Variants in TMEM234 observed in about 807,000 individuals in gnomAD.
The protein encoded by TMEM234 is transmembrane protein 234.
Under a neutral mutation model 17.8 loss-of-function variants are expected in TMEM234, and 21 were observed. That is an observed-to-expected ratio of 1.18 (90% CI 0.84 to 1.70). The LOEUF (loss-of-function observed/expected upper bound fraction) is 1.70, where lower values mean the gene tolerates loss of function less well. TMEM234 is among the 40% of genes most tolerant of loss of function. The pLI, the probability that TMEM234 is intolerant of heterozygous loss-of-function variation, is 0.00. For synonymous variants in TMEM234, 83 were observed against 73.5 expected (o/e 1.13, Z -0.66); for missense variants, 137 against 166.9 (o/e 0.82, Z 0.99).
chr1:32,219,318 G>A (rs1638686248), intron 3 of TMEM234, among the ~76,000 whole-genome samples: 1 of 152,176 alleles, frequency 6.6e-6, no homozygotes. Flanking sequence ...GCCCCAGCAT[G>A]GAGGCATTAC....
intron 2 of TMEM234, 151 bp from the exon 3 acceptor site, chr1:32,221,348 CAA>C (rs1638890089): frequency 1.5e-6 from 1 of 656,682 alleles, no homozygotes; most frequent in African/African-American, 1.8e-5. Flanking sequence ...CCTTCCAGGG[CAA>C]AGAGGGAAAC....
rs1172669639 is a variant in TMEM234 at position 32,221,129 on chromosome 1, A to C, written c.235+2T>G. 1.9e-6 allele frequency: 3 copies of C among 1,612,898 alleles called. 1 individual carries two copies. The highest frequency in any genetic ancestry group is 2.2e-5 in the South Asian group (2 of 90,874). Reference sequence around the variant, plus strand: ...GCAGAACAGTTCCAAGCCAGGACCCACCTGTCGATGCCAAGGTGAGGTAAT... The same window carrying C: ...GCAGAACAGTTCCAAGCCAGGACCCCCCTGTCGATGCCAAGGTGAGGTAAT... On this transcript the variant is annotated splice_donor_variant, in intron 3 of 4. Coordinates refer to ENST00000309777, the MANE Select transcript of TMEM234 (RefSeq NM_019118.5). LOFTEE classifies it high-confidence loss of function.
Position 32,216,321 on chromosome 1 carries a change from T to A in TMEM234, c.*532A>T. On this transcript the variant is annotated 3_prime_UTR_variant, in exon 5 of 5. Coordinates refer to ENST00000309777, the MANE Select transcript of TMEM234 (RefSeq NM_019118.5). Reference sequence around the variant, plus strand: ...CTGGCAGTGAGGATTTCTGCCTACCTCATGGGTGGGGCAGGCAAGGCTAAT... The same window carrying A: ...CTGGCAGTGAGGATTTCTGCCTACCACATGGGTGGGGCAGGCAAGGCTAAT... The A allele has an allele frequency of 6.6e-7, 1 of 1,526,666 alleles. No homozygotes were observed. Among genetic ancestry groups the A allele is most frequent in the Non-Finnish European group, 8.8e-7 (1 of 1,133,750 alleles). The allele number at this position is 1,526,666 out of a possible 1,614,324, so 94.6% of individuals were successfully genotyped here.
downstream of TMEM234, chr1:32,215,361 G>A (rs770809156): frequency 2.5e-6 from 3 of 1,218,580 alleles, no homozygotes; most frequent in Non-Finnish European, 3.5e-6. Context: ...GAGGGAAAGG[G>A]GCTAGCATGA....
Position 32,216,874 on chromosome 1 carries a change from C to G in TMEM234, c.402G>C (p.Gln134His), listed in dbSNP as rs1380085683. 15 of 1,614,204 alleles carry G rather than the reference C, an allele frequency of 9.3e-6. No homozygotes were observed. Among genetic ancestry groups the G allele is most frequent in the Non-Finnish European group, 1.3e-5 (15 of 1,180,050 alleles). ...CCACTCAAAGGGTAGACTGTTGCCC[C>G]TGGGTCTTACTCACTGAGCTTGTGA... The part of the protein sequence containing the change: ...LCITSSVSKT[Q>H]GQQSTL Residue 134 changes from glutamine (Q) to histidine (H), a missense_variant, in exon 5 of 5, where the codon CAG becomes CAC. Transcript: ENST00000309777.
Position 32,221,167 on chromosome 1 carries a change from C to T in TMEM234, c.199G>A (p.Gly67Arg). 3 of 1,613,296 alleles carry T rather than the reference C, an allele frequency of 1.9e-6. No homozygotes were observed. Among genetic ancestry groups the T allele is most frequent in the Non-Finnish European group, 2.5e-6 (3 of 1,179,766 alleles). Residue 67 changes from glycine to arginine, a missense_variant, in exon 3 of 5, where the codon GGA (glycine) becomes AGA (arginine). By Grantham distance (125) the Gly-to-Arg change is moderately radical. Coordinates refer to ENST00000309777, the MANE Select transcript of TMEM234 (RefSeq NM_019118.5). Reference protein sequence around the residue: ...YLMPFLLNQCGSLLYYLTLAS... With the variant: ...YLMPFLLNQCRSLLYYLTLAS... Reference sequence around the variant, plus strand: ...AAGGTGAGGTAATAGAGAAGGGATCCACACTGGTTGAGGAGAAAGGGCATC... The same window carrying T: ...AAGGTGAGGTAATAGAGAAGGGATCTACACTGGTTGAGGAGAAAGGGCATC...
intron 4 of TMEM234, 93 bp from the exon 5 acceptor site, chr1:32,217,040 G>T: frequency 1.3e-6 from 2 of 1,588,962 alleles, no homozygotes; most frequent in East Asian, 2.3e-5. Context: ...ATGGGGTCTG[G>T]TCTTCAATCC....
At chr1:32,218,983 A>C (rs914343683) in intron 3 of TMEM234, among the ~76,000 whole-genome samples, 1 of 152,126 alleles carries the variant, frequency 6.6e-6, no homozygotes. Flanking sequence ...GTGGTGGCAC[A>C]TGCCCATAAT....
At chr1:32,214,915 C>T, downstream of TMEM234, 1 of 1,614,012 alleles carries the variant, frequency 6.2e-7, no homozygotes, top group African/African-American at 1.3e-5. Context: ...AAGCTCCCCA[C>T]ACTCTCATTC....
chr1:32,217,568 TG>T (rs1369307763), intron 3 of TMEM234: 1 of 1,043,362 alleles, frequency 9.6e-7, no homozygotes, highest in East Asian at 2.6e-5. Context: ...CTCTGAGGTC[TG>T]GGACCAGCCT....
downstream of TMEM234, chr1:32,215,696 C>G: frequency 8.7e-7 from 1 of 1,145,378 alleles, no homozygotes; most frequent in Non-Finnish European, 1.2e-6. Flanking sequence ...GAAGCAGTTC[C>G]TAATTTCCAG....
chr1:32,215,820 G>A (rs1239893000), downstream of TMEM234: 2 of 1,552,774 alleles, frequency 1.3e-6, no homozygotes, highest in African/African-American at 1.4e-5. Context: ...ACAGATAGTG[G>A]AAGAGGCCTT....
At chr1:32,221,006 A>C in intron 3 of TMEM234, 125 bp downstream of exon 3, 17 of 697,520 alleles carry the variant, frequency 2.4e-5, no homozygotes, top group East Asian at 2.8e-5. Flanking sequence ...GTAAGAGGGA[A>C]CTAGAGCTAG....
At chr1:32,220,229 T>G (rs928703033) in intron 3 of TMEM234, among the ~76,000 whole-genome samples, 1 of 152,212 alleles carries the variant, frequency 6.6e-6, no homozygotes, top group African/African-American at 2.4e-5. Context: ...GGGACTGGAG[T>G]GCAGTGGCAT....
Position 32,221,933 on chromosome 1 carries a change from C to A in TMEM234, c.102G>T (p.Arg34=), listed in dbSNP as rs771063215. ...LLKRASAGLQ[R]VHEPTWAQQL... ...GCTGGGCCCAGGTCGGCTCATGAAC[C>A]CGCTGCAGGCCGGCGGAGGCCCGCT... Residue 34 remains arginine, a synonymous_variant, in exon 2 of 5, where the codon CGG becomes CGT. Coordinates refer to ENST00000309777, the MANE Select transcript of TMEM234 (RefSeq NM_019118.5). 1 of 1,612,160 alleles carries A rather than the reference C, an allele frequency of 6.2e-7. No individual in the cohort carries two copies. The highest frequency in any genetic ancestry group is 2.3e-5 in the East Asian group (1 of 43,816).
At chr1:32,222,230 G>A (rs368448404) in intron 1 of TMEM234, 77 bp downstream of exon 1, 1 of 1,523,550 alleles carries the variant, frequency 6.6e-7, no homozygotes, top group African/African-American at 1.4e-5. Context: ...GTCGGGGTTA[G>A]AGGGTGGATG....
intron 3 of TMEM234, among the ~76,000 whole-genome samples, chr1:32,217,801 G>A (rs146111325): frequency 1.6e-4 from 25 of 152,272 alleles, no homozygotes; most frequent in African/African-American, 5.3e-4. Flanking sequence ...ACCATTTTGC[G>A]TAAAAGAAAC....
chr1:32,216,651 C>A lies in TMEM234; in HGVS notation c.*202G>T. On this transcript the variant is annotated 3_prime_UTR_variant, in exon 5 of 5. Coordinates refer to ENST00000309777, the MANE Select transcript of TMEM234 (RefSeq NM_019118.5). Reference sequence around the variant, plus strand: ...CGTAGAGTCTCCTGTGCTAAATCCCCGCAGCTGAACAGCACTTGAAGGTTA... The same window carrying A: ...CGTAGAGTCTCCTGTGCTAAATCCCAGCAGCTGAACAGCACTTGAAGGTTA... The A allele has an allele frequency of 6.6e-7, 1 of 1,509,036 alleles. No individual in the cohort carries two copies. The highest frequency in any genetic ancestry group is 1.3e-5 in the South Asian group (1 of 78,704). 93.5% of individuals were successfully genotyped at this position (1,509,036 alleles called of 1,614,324 possible). A position where few individuals can be genotyped will look rare whatever the true frequency, so the allele number is the denominator to read the frequency against.
downstream of TMEM234, chr1:32,216,038 C>A: frequency 2.6e-6 from 2 of 778,264 alleles, no homozygotes; most frequent in Non-Finnish European, 2.1e-6. Context: ...CCTCCCCGTT[C>A]TCCTGCTCCT....
Sources: allele counts gnomAD v4.1 joint callset (sites outside exome capture counted in the v4.1 genomes callset), GRCh38; gene constraint gnomAD v4.1.1; transcripts MANE v1.5; gene names NCBI Gene and HGNC (gene_info 2026-07-23, HGNC 2026-07-21).